The following DMXL2 variants were observed in gnomAD, a reference collection of about 807,000 sequenced individuals.
DMXL2 encodes Dmx like 2, also known as dmX-like protein 2.
DMXL2 carries 103 observed loss-of-function variants against 331.1 expected under a neutral mutation model. That is an observed-to-expected ratio of 0.31 (90% CI 0.27 to 0.37). The LOEUF (loss-of-function observed/expected upper bound fraction) is 0.37. DMXL2 is among the 10% of genes least tolerant of loss of function. The probability of loss-of-function intolerance (pLI) is 1.00; values close to 1 mark genes in which losing one functional copy is unlikely to be tolerated. For missense variants in DMXL2, 3,171 were observed against 3,642.9 expected, an observed-to-expected ratio of 0.87 and a Z score of 3.33; for synonymous variants, 1,281 against 1,252.1, an observed-to-expected ratio of 1.02 and a Z score of -0.49.
Position 51,499,964 on chromosome 15 carries a change from T to G in DMXL2, c.3260A>C (p.Lys1087Thr), listed in dbSNP as rs1229074552. The G allele has an allele frequency of 1.9e-6, 3 of 1,614,048 alleles. No individual in the cohort carries two copies. The highest frequency in any genetic ancestry group is 2.5e-6 in the Non-Finnish European group (3 of 1,179,976). Residue 1087 changes from lysine (K) to threonine (T), a missense_variant, in exon 18 of 44, where the codon AAG becomes ACG. This residue lies in a region of DMXL2 where 1,674 missense variants were observed against 1,780.2 expected (regional missense o/e 0.94). Coordinates refer to ENST00000560891, the MANE Select transcript of DMXL2 (RefSeq NM_001378457.1). The stretch of plus-strand genomic sequence containing the variant: ...AAAACCATTATGGTGGATAGGCTGC[T>G]TATAAGCCACTGCAAGGCGACCTGT... ...SYTGRLAVAY[K>T]QPIHHNGFVS...
At chr15:51,578,862 T>G (rs2051219190) in intron 1 of DMXL2, among the ~76,000 whole-genome samples, 1 of 152,176 alleles carries the variant, frequency 6.6e-6, no homozygotes, top group African/African-American at 2.4e-5. Flanking sequence ...CCCAACACTT[T>G]GGAAGGCCAA....
chr15:51,502,826 A>G lies in DMXL2; in HGVS notation c.2972T>C (p.Ile991Thr). The part of the protein sequence containing the change: ...PLDLPESVEV[I>T]RATPSAGHLS... The stretch of plus-strand genomic sequence containing the variant: ...CTTACCTGCTGAAGGCGTTGCTCTT[A>G]TTACTTCAACTGATTCTGGGAGATC... The change falls in exon 17 of 44, where the codon ATA becomes ACA. Residue 991 changes from isoleucine to threonine, a missense_variant. By Grantham distance (89) the Ile-to-Thr change is moderately conservative. This residue lies in a region of DMXL2 where 1,674 missense variants were observed against 1,780.2 expected (regional missense o/e 0.94). Coordinates refer to ENST00000560891, the MANE Select transcript of DMXL2 (RefSeq NM_001378457.1). The G allele has an allele frequency of 6.2e-7, 1 of 1,614,034 alleles. No homozygotes were observed. The highest frequency in any genetic ancestry group is 8.5e-7 in the Non-Finnish European group (1 of 1,179,934).
Position 51,527,044 on chromosome 15 carries a change from T to C in DMXL2, c.2436+8619A>G, listed in dbSNP as rs183806239. ...TCAATATCCGAGTACAAGAAGGCTA[T>C]AGAACGCCAAGCAGACTTAACTCAA... On this transcript the variant is annotated intron_variant, in intron 13 of 43. Coordinates refer to ENST00000560891, the MANE Select transcript of DMXL2 (RefSeq NM_001378457.1). Among the ~76,000 whole-genome samples the C allele has an allele frequency of 3.2e-4, 48 of 152,248 alleles. No homozygotes were observed. The East Asian group carries it at 3.5e-3, about 11-fold the overall frequency.
At chr15:51,535,868 C>T in intron 12 of DMXL2, 84 bp from the exon 13 acceptor site, 1 of 1,442,304 alleles carries the variant, frequency 6.9e-7, no homozygotes, top group Non-Finnish European at 9.2e-7. Context: ...CAAGTATTCA[C>T]ATTTTTTTTA....
chr15:51,509,947 G>C (rs1373885413), intron 15 of DMXL2, among the ~76,000 whole-genome samples: 4 of 152,048 alleles, frequency 2.6e-5, no homozygotes, highest in African/African-American at 9.7e-5. Flanking sequence ...CAGAACCAAT[G>C]ACAAAAACCA....
intron 1 of DMXL2, among the ~76,000 whole-genome samples, chr15:51,609,650 C>T (rs1012267811): frequency 2.1e-4 from 32 of 152,148 alleles, no homozygotes; most frequent in African/African-American, 6.5e-4. Context: ...CGTTTGTGGC[C>T]GGGTGTGGTG....
chr15:51,498,384 C>T (rs1409668820), intron 18 of DMXL2, among the ~76,000 whole-genome samples, 168 bp downstream of exon 18: 2 of 152,144 alleles, frequency 1.3e-5, no homozygotes, highest in African/African-American at 4.8e-5. Context: ...CGGCCTCAAC[C>T]GTCTTTTCTA....
chr15:51,606,931 G>C (rs1382171871), intron 1 of DMXL2, among the ~76,000 whole-genome samples: 1 of 152,096 alleles, frequency 6.6e-6, no homozygotes, highest in Non-Finnish European at 1.5e-5. Context: ...GGCCAAGGTG[G>C]GCAGATCACC....
intron 18 of DMXL2, among the ~76,000 whole-genome samples, chr15:51,497,650 A>G (rs556054051): frequency 5.9e-5 from 9 of 152,206 alleles, no homozygotes; most frequent in Non-Finnish European, 1.3e-4. Context: ...ATTACCCTGA[A>G]CTATGTGCAT....
chr15:51,455,794 C>T (rs1044295505), intron 39 of DMXL2, among the ~76,000 whole-genome samples: 3 of 152,174 alleles, frequency 2.0e-5, no homozygotes, highest in African/African-American at 4.8e-5. Flanking sequence ...CTTTACTGTG[C>T]TTACAGGAAT....
chr15:51,459,049 G>A (rs964069879), intron 34 of DMXL2: 4 of 415,474 alleles, frequency 9.6e-6, no homozygotes, highest in Admixed American at 3.8e-5. Context: ...TATAAAACAT[G>A]GCTAATATAT....
intron 13 of DMXL2, among the ~76,000 whole-genome samples, chr15:51,518,479 T>C (rs2047161275): frequency 6.6e-6 from 1 of 152,220 alleles, no homozygotes; most frequent in Non-Finnish European, 1.5e-5. Flanking sequence ...GTGTAGTCAA[T>C]GGACCAGCAG....
intron 17 of DMXL2, 134 bp from the exon 18 acceptor site, chr15:51,500,365 T>C (rs2043501656): frequency 1.4e-5 from 13 of 902,348 alleles, no homozygotes; most frequent in Non-Finnish European, 2.1e-5. Flanking sequence ...GCAGTCTTCC[T>C]CTTAACTAGT....
At chr15:51,484,147 T>C (rs1239336181) in intron 23 of DMXL2, among the ~76,000 whole-genome samples, 1 of 151,942 alleles carries the variant, frequency 6.6e-6, no homozygotes, top group African/African-American at 2.4e-5. Context: ...GAAATAGCCT[T>C]ATCCCCACCC....
chr15:51,479,371 A>G (rs182097892), intron 25 of DMXL2, among the ~76,000 whole-genome samples: 1 of 152,232 alleles, frequency 6.6e-6, no homozygotes, highest in Admixed American at 6.5e-5. Context: ...AAGTCTGATC[A>G]GCTAGCTCCC....
intron 4 of DMXL2, among the ~76,000 whole-genome samples, chr15:51,564,647 A>C (rs2050160436): frequency 6.6e-6 from 1 of 152,170 alleles, no homozygotes; most frequent in Non-Finnish European, 1.5e-5. Context: ...TACACATGAA[A>C]TATAAAAAGA....
chr15:51,521,880 A>G (rs943513700), intron 13 of DMXL2, among the ~76,000 whole-genome samples: 1 of 152,230 alleles, frequency 6.6e-6, no homozygotes, highest in Non-Finnish European at 1.5e-5. Context: ...AATAAAAATT[A>G]AAGATTGAGT....
chr15:51,465,381 C>T (rs769864217), intron 31 of DMXL2, among the ~76,000 whole-genome samples, 185 bp downstream of exon 31: 5 of 151,914 alleles, frequency 3.3e-5, no homozygotes, highest in Non-Finnish European at 5.9e-5. Context: ...GGCAACAGAG[C>T]GAGACTCTAT....
At chr15:51,502,071 A>AC (rs1386595627) in intron 17 of DMXL2, among the ~76,000 whole-genome samples, 2 of 151,444 alleles carry the variant, frequency 1.3e-5, no homozygotes. Context: ...TCTACTAAAA[A>AC]TACAAAAAAA....
Sources: allele counts gnomAD v4.1 joint callset (sites outside exome capture counted in the v4.1 genomes callset), GRCh38; gene constraint gnomAD v4.1.1; regional missense constraint gnomAD v4.1.1; transcripts MANE v1.5; gene names NCBI Gene and HGNC (gene_info 2026-07-23, HGNC 2026-07-21).